The following FARS2 variants were observed in gnomAD, a reference collection of about 807,000 sequenced individuals.
FARS2 encodes the protein phenylalanyl-tRNA synthetase 2, mitochondrial.
FARS2 carries 40 observed loss-of-function variants against 46.4 expected under a neutral mutation model. The ratio of observed to expected loss-of-function variants is 0.86; its 90% CI spans 0.67 to 1.12. The LOEUF (loss-of-function observed/expected upper bound fraction) is 1.12, where lower values mean the gene tolerates loss of function less well. Ranked by LOEUF, FARS2 falls within the 50% of genes most tolerant of loss-of-function variation. FARS2 has a pLI of 0.00. For synonymous variants in FARS2, 234 were observed against 214.9 expected, an observed-to-expected ratio of 1.09 and a Z score of -0.78; for missense variants, 513 against 567.9, an observed-to-expected ratio of 0.90 and a Z score of 0.98.
intron 6 of FARS2, among the ~76,000 whole-genome samples, chr6:5,671,667 C>T (rs1778471033): frequency 1.3e-5 from 2 of 152,160 alleles, no homozygotes; most frequent in South Asian, 4.1e-4. Context: ...ACTCCAAGAA[C>T]CAAGCACATG....
intron 3 of FARS2, among the ~76,000 whole-genome samples, chr6:5,406,622 T>A (rs1193623514): frequency 6.6e-6 from 1 of 152,200 alleles, no homozygotes; most frequent in East Asian, 1.9e-4. Flanking sequence ...GTTGATTCCT[T>A]TTGTTAATCA....
chr6:5,330,471 T>C (rs754676549), intron 1 of FARS2, among the ~76,000 whole-genome samples: 1 of 152,152 alleles, frequency 6.6e-6, no homozygotes, highest in Non-Finnish European at 1.5e-5. Context: ...CCCAGGAACA[T>C]TGAGGATACT....
intron 4 of FARS2, among the ~76,000 whole-genome samples, chr6:5,508,343 G>T (rs1299028469): frequency 6.6e-6 from 1 of 152,240 alleles, no homozygotes; most frequent in African/African-American, 2.4e-5. Flanking sequence ...AATCTTTCTT[G>T]TAGTCTTTGT....
rs545193657 is a variant in FARS2 at position 5,769,599 on chromosome 6, T to G, written c.1218-1692T>G. 2.0e-5 allele frequency among the ~76,000 whole-genome samples: 3 copies of G among 152,294 alleles called. No individual in the cohort carries two copies. The East Asian group carries it at 5.8e-4, about 29-fold the overall frequency. ...GAGGAATGTCCACAGAGCAGAGCCA[T>G]TGGCCTGAGCTGGACTGAAAAAGAA... is the stretch of plus-strand genomic sequence containing the variant. On this transcript the variant is annotated intron_variant, in intron 6 of 6. Coordinates refer to ENST00000274680, the MANE Select transcript of FARS2 (RefSeq NM_006567.5).
At chr6:5,407,657 T>G (rs569532093) in intron 3 of FARS2, among the ~76,000 whole-genome samples, 83 of 152,280 alleles carry the variant, frequency 5.5e-4, no homozygotes, top group African/African-American at 1.9e-3. Flanking sequence ...TTGATAAAAC[T>G]GAATAATGAG....
chr6:5,444,414 C>A (rs1394369061), intron 4 of FARS2, among the ~76,000 whole-genome samples: 4 of 138,138 alleles, frequency 2.9e-5, no homozygotes, highest in Non-Finnish European at 4.5e-5. Context: ...TTGCAGTGAG[C>A]CGAGATTGCG....
At chr6:5,366,251 C>T (rs921467812) in intron 1 of FARS2, among the ~76,000 whole-genome samples, 3 of 152,190 alleles carry the variant, frequency 2.0e-5, no homozygotes, top group African/African-American at 7.2e-5. Context: ...ACAATACTTA[C>T]ATCACAGAAC....
At chr6:5,737,197 C>A (rs1582856220) in intron 6 of FARS2, among the ~76,000 whole-genome samples, 1 of 152,082 alleles carries the variant, frequency 6.6e-6, no homozygotes, top group Non-Finnish European at 1.5e-5. Context: ...AAAAGGGATC[C>A]TGAAAGGCAA....
intron 6 of FARS2, among the ~76,000 whole-genome samples, chr6:5,698,729 G>A (rs550644941): frequency 6.6e-6 from 1 of 152,206 alleles, no homozygotes; most frequent in African/African-American, 2.4e-5. Flanking sequence ...CGGCTGATTA[G>A]TGTATCAGTC....
At chr6:5,584,574 G>A (rs1773515256) in intron 5 of FARS2, among the ~76,000 whole-genome samples, 1 of 152,006 alleles carries the variant, frequency 6.6e-6, no homozygotes, top group African/African-American at 2.4e-5. Context: ...GTGTGTGCCT[G>A]TGCATGTGTG....
chr6:5,286,551 G>C (rs1767125684), intron 1 of FARS2, among the ~76,000 whole-genome samples: 1 of 152,124 alleles, frequency 6.6e-6, no homozygotes, highest in Admixed American at 6.5e-5. Flanking sequence ...GAGCCACTGT[G>C]CCTGACCAAT....
At chr6:5,642,227 C>T (rs750341417) in intron 6 of FARS2, among the ~76,000 whole-genome samples, 12 of 152,096 alleles carry the variant, frequency 7.9e-5, no homozygotes, top group Non-Finnish European at 1.3e-4. Context: ...ATATTTTAGA[C>T]GCATGTAGCT....
intron 5 of FARS2, among the ~76,000 whole-genome samples, chr6:5,578,886 G>A (rs963871986): frequency 4.0e-5 from 6 of 151,212 alleles, no homozygotes; most frequent in African/African-American, 1.5e-4. Context: ...CAGACTGCCT[G>A]AATTCACATC....
chr6:5,498,699 T>A (rs950526352), intron 4 of FARS2, among the ~76,000 whole-genome samples: 1 of 152,224 alleles, frequency 6.6e-6, no homozygotes, highest in African/African-American at 2.4e-5. Flanking sequence ...TCAAAGCAGC[T>A]GTCACTTACC....
At chr6:5,599,158 G>T (rs369414445) in intron 5 of FARS2, among the ~76,000 whole-genome samples, 3 of 152,226 alleles carry the variant, frequency 2.0e-5, no homozygotes, top group South Asian at 4.1e-4. Context: ...CAAGGTTAGG[G>T]GTTCGCAGAC....
intron 6 of FARS2, among the ~76,000 whole-genome samples, chr6:5,672,327 C>T (rs376906290): frequency 2.0e-5 from 3 of 152,190 alleles, no homozygotes; most frequent in African/African-American, 4.8e-5. Context: ...ACGTCCTGGC[C>T]GTTCAGTCCC....
intron 1 of FARS2, among the ~76,000 whole-genome samples, chr6:5,347,606 A>T (rs1354050741): frequency 1.3e-5 from 2 of 152,104 alleles, no homozygotes; most frequent in African/African-American, 4.8e-5. Context: ...GGCTGCTATG[A>T]ATAAAGTTGC....
intron 6 of FARS2, among the ~76,000 whole-genome samples, chr6:5,686,428 C>T (rs1046674634): frequency 2.0e-5 from 3 of 151,962 alleles, no homozygotes; most frequent in Non-Finnish European, 2.9e-5. Context: ...GTTCAATTCC[C>T]ACCTATGAGT....
intron 6 of FARS2, among the ~76,000 whole-genome samples, chr6:5,640,752 A>C (rs565649556): frequency 6.6e-6 from 1 of 152,368 alleles, no homozygotes; most frequent in African/African-American, 2.4e-5. Flanking sequence ...GTTCAACTGC[A>C]TATAGCCAAT....
Sources: allele counts gnomAD v4.1 joint callset (sites outside exome capture counted in the v4.1 genomes callset), GRCh38; gene constraint gnomAD v4.1.1; transcripts MANE v1.5; gene names NCBI Gene and HGNC (gene_info 2026-07-23, HGNC 2026-07-21).